The following SPOCK3 variants were observed in gnomAD, a reference collection of about 807,000 sequenced individuals.
The protein encoded by SPOCK3 is SPARC (osteonectin), cwcv and kazal like domains proteoglycan 3, also known as testican-3.
A neutral mutation model predicts 56.6 loss-of-function variants in SPOCK3; 30 were observed. The observed-to-expected ratio is 0.53, with a 90% CI of 0.40 to 0.72. The LOEUF (loss-of-function observed/expected upper bound fraction) is 0.72. Ranked by LOEUF, SPOCK3 falls within the 30% of genes least tolerant of loss-of-function variation. The pLI, the probability that SPOCK3 is intolerant of heterozygous loss-of-function variation, is 0.00. For missense variants in SPOCK3, 527 were observed against 530.0 expected, an observed-to-expected ratio of 0.99 and a Z score of 0.06; for synonymous variants, 196 against 183.3, an observed-to-expected ratio of 1.07 and a Z score of -0.56.
chr4:167,154,713 G>A (rs769006192), intron 2 of SPOCK3, among the ~76,000 whole-genome samples: 1 of 152,118 alleles, frequency 6.6e-6, no homozygotes, highest in Non-Finnish European at 1.5e-5. Flanking sequence ...TGATCCTCTT[G>A]TAAATCAATC....
intron 9 of SPOCK3, among the ~76,000 whole-genome samples, chr4:166,738,224 CTGTGTGTGTGTGTTTG>C (rs1734419587): frequency 1.3e-5 from 2 of 151,216 alleles, no homozygotes; most frequent in Admixed American, 6.6e-5. Flanking sequence ...CTTCCATTCT[CTGTGTGTGTGTGTTTG>C]TGTGTGTGTG....
chr4:167,042,853 A>G (rs1323987150), intron 3 of SPOCK3, among the ~76,000 whole-genome samples: 1 of 152,160 alleles, frequency 6.6e-6, no homozygotes, highest in Non-Finnish European at 1.5e-5. Flanking sequence ...CAAGTAAGTC[A>G]TGCCAATAAG....
chr4:166,754,725 G>A lies in SPOCK3; in HGVS notation c.714C>T (p.Phe238=), dbSNP rs1482458459. 22 of 1,612,536 alleles carry A rather than the reference G, an allele frequency of 1.4e-5. No individual in the cohort carries two copies. The highest frequency in any genetic ancestry group is 1.7e-5 in the Non-Finnish European group (20 of 1,179,322). ...KTLLRPERSR[F]DTSILPICKD... ...TGCAAATTGGCAAGATGCTGGTATC[G>A]AATCCTAAAGGCAAAAAAAAGAAAA... Residue 238 remains phenylalanine, a synonymous_variant, in exon 8 of 11, where the codon TTC becomes TTT. Transcript: ENST00000357545.
intron 6 of SPOCK3, among the ~76,000 whole-genome samples, chr4:166,865,071 A>G (rs759065485): frequency 2.0e-5 from 3 of 152,174 alleles, no homozygotes; most frequent in Non-Finnish European, 4.4e-5. Context: ...AGCACATCAA[A>G]AAGCTTATCC....
intron 3 of SPOCK3, among the ~76,000 whole-genome samples, chr4:167,048,273 C>T (rs145582316): frequency 1.8e-3 from 267 of 151,068 alleles, no homozygotes; most frequent in African/African-American, 6.4e-3. Context: ...ACTATGTAAA[C>T]AAGCATTAGT....
intron 6 of SPOCK3, among the ~76,000 whole-genome samples, chr4:166,887,698 T>G (rs955832359): frequency 1.3e-5 from 2 of 151,960 alleles, no homozygotes; most frequent in African/African-American, 4.8e-5. Flanking sequence ...AAACTTAGAC[T>G]GGGGCATGTC....
intron 4 of SPOCK3, among the ~76,000 whole-genome samples, chr4:166,965,228 C>T (rs1014716215): frequency 1.3e-5 from 2 of 151,884 alleles, no homozygotes; most frequent in African/African-American, 4.8e-5. Context: ...AATGTTAAAA[C>T]TGGGTAATAG....
At chr4:167,130,073 T>C (rs1051084479) in intron 2 of SPOCK3, among the ~76,000 whole-genome samples, 1 of 152,178 alleles carries the variant, frequency 6.6e-6, no homozygotes, top group African/African-American at 2.4e-5. Context: ...TGGAGTGCAG[T>C]GGCATAATCA....
chr4:166,996,893 T>C (rs1215640270), intron 4 of SPOCK3, among the ~76,000 whole-genome samples: 1 of 152,202 alleles, frequency 6.6e-6, no homozygotes, highest in Admixed American at 6.6e-5. Context: ...AGAAATTTAC[T>C]AATTATTTCA....
intron 5 of SPOCK3, among the ~76,000 whole-genome samples, chr4:166,889,518 G>T (rs1734544860): frequency 1.3e-5 from 2 of 151,988 alleles, no homozygotes; most frequent in South Asian, 4.1e-4. Flanking sequence ...TAGTTTGTCA[G>T]ATCTATTATA....
chr4:166,797,961 A>G (rs1281534322), intron 6 of SPOCK3, among the ~76,000 whole-genome samples: 2 of 152,192 alleles, frequency 1.3e-5, no homozygotes, highest in Non-Finnish European at 1.5e-5. Flanking sequence ...AACAAAGAAC[A>G]TCATATACAA....
intron 8 of SPOCK3, among the ~76,000 whole-genome samples, chr4:166,752,543 T>A (rs1736515812): frequency 1.3e-5 from 1 of 76,262 alleles, no homozygotes; most frequent in Non-Finnish European, 2.9e-5. Flanking sequence ...ATAGAGTAGC[T>A]ATATGTGTGT....
chr4:166,874,995 G>A (rs1451627932), intron 6 of SPOCK3, among the ~76,000 whole-genome samples: 2 of 152,048 alleles, frequency 1.3e-5, no homozygotes, highest in Non-Finnish European at 2.9e-5. Flanking sequence ...ACCTTAGTTT[G>A]TGCTATGCTT....
At chr4:167,140,411 A>C (rs1040410139) in intron 2 of SPOCK3, among the ~76,000 whole-genome samples, 4 of 152,032 alleles carry the variant, frequency 2.6e-5, no homozygotes, top group Admixed American at 2.6e-4. Context: ...ACTGCACTTA[A>C]AGTAATCCAT....
intron 3 of SPOCK3, among the ~76,000 whole-genome samples, chr4:167,057,362 G>A (rs912903192): frequency 3.0e-4 from 46 of 152,138 alleles, no homozygotes; most frequent in Non-Finnish European, 2.5e-4. Flanking sequence ...TCGAGGCTAG[G>A]AAGAAACTGC....
intron 6 of SPOCK3, among the ~76,000 whole-genome samples, chr4:166,866,556 G>A (rs1193221968): frequency 2.0e-5 from 3 of 151,166 alleles, no homozygotes; most frequent in African/African-American, 7.4e-5. Context: ...AATATCCAGA[G>A]TCTACAAGGA....
At chr4:167,185,972 T>C (rs1436888945) in intron 2 of SPOCK3, among the ~76,000 whole-genome samples, 1 of 152,186 alleles carries the variant, frequency 6.6e-6, no homozygotes, top group African/African-American at 2.4e-5. Flanking sequence ...CCCTCAAATA[T>C]AACATATGCC....
intron 7 of SPOCK3, among the ~76,000 whole-genome samples, chr4:166,775,259 G>A (rs1321551645): frequency 1.3e-5 from 2 of 152,118 alleles, no homozygotes; most frequent in African/African-American, 2.4e-5. Flanking sequence ...GTCAGAGCAT[G>A]AGTGGTCTGC....
chr4:167,202,734 C>A (rs988661319), intron 2 of SPOCK3, among the ~76,000 whole-genome samples: 1 of 150,970 alleles, frequency 6.6e-6, no homozygotes, highest in Non-Finnish European at 1.5e-5. Context: ...GAACTGTTCC[C>A]AAAATAAACT....
Sources: gnomAD v4.1 joint callset for allele counts (sites outside exome capture counted in the v4.1 genomes callset) on GRCh38, gnomAD v4.1.1 for gene constraint, MANE v1.5 for transcripts, NCBI Gene and HGNC (gene_info 2026-07-23, HGNC 2026-07-21) for gene names.